JAZF1: variants seen among roughly 807,000 people sequenced by gnomAD.
The protein encoded by JAZF1 is JAZF zinc finger 1.
In JAZF1, 8 loss-of-function variants were observed where a neutral mutation model predicts 26.4. The observed-to-expected ratio is 0.30, with a 90% CI of 0.18 to 0.55. JAZF1 has a LOEUF of 0.55. Ranked by LOEUF, JAZF1 falls within the 20% of genes least tolerant of loss-of-function variation. The pLI, the probability that JAZF1 is intolerant of heterozygous loss-of-function variation, is 0.94. For missense variants in JAZF1, 199 were observed against 322.0 expected, an observed-to-expected ratio of 0.62 and a Z score of 2.92; for synonymous variants, 126 against 122.3, an observed-to-expected ratio of 1.03 and a Z score of -0.20.
At chr7:28,018,954 A>G (rs1035655822) in intron 1 of JAZF1, among the ~76,000 whole-genome samples, 1 of 152,228 alleles carries the variant, frequency 6.6e-6, no homozygotes, top group African/African-American at 2.4e-5. Context: ...CTGTCTGTGC[A>G]GAGATCCTGA....
intron 1 of JAZF1, among the ~76,000 whole-genome samples, chr7:28,169,713 C>A (rs1158723673): frequency 6.6e-6 from 1 of 152,168 alleles, no homozygotes. Flanking sequence ...CTGAGGAAGC[C>A]TGGGCATAAT....
intron 2 of JAZF1, among the ~76,000 whole-genome samples, chr7:27,898,735 C>T (rs965498685): frequency 6.6e-6 from 1 of 152,168 alleles, no homozygotes; most frequent in Non-Finnish European, 1.5e-5. Context: ...GGGGTTATAT[C>T]TTCTATAGTG....
intron 2 of JAZF1, among the ~76,000 whole-genome samples, chr7:27,928,705 C>A (rs961260187): frequency 6.6e-6 from 1 of 152,190 alleles, no homozygotes. Context: ...CCAAATACTG[C>A]GTGTTCTCAC....
intron 1 of JAZF1, among the ~76,000 whole-genome samples, chr7:28,004,551 C>T (rs1025495687): frequency 6.6e-6 from 1 of 152,206 alleles, no homozygotes; most frequent in African/African-American, 2.4e-5. Context: ...CACCAATTTG[C>T]ATCTCTCCCA....
At chr7:28,116,107 G>A (rs950374059) in intron 1 of JAZF1, among the ~76,000 whole-genome samples, 1 of 152,170 alleles carries the variant, frequency 6.6e-6, no homozygotes, top group Admixed American at 6.5e-5. Context: ...GGTCTAATGA[G>A]ACACCTACTC....
intron 1 of JAZF1, among the ~76,000 whole-genome samples, chr7:28,054,349 A>G (rs1402211201): frequency 6.6e-6 from 1 of 152,216 alleles, no homozygotes; most frequent in South Asian, 2.1e-4. Flanking sequence ...GTTGTCCTTT[A>G]TAACAACTGA....
chr7:27,951,904 G>A lies in JAZF1; in HGVS notation c.188+40005C>T, dbSNP rs73299494. Among the ~76,000 whole-genome samples the A allele has an allele frequency of 4.7e-3, 716 of 152,284 alleles. 4 individuals carry two copies. The highest frequency in any genetic ancestry group is 0.016 in the African/African-American group (681 of 41,558). ...CTTCCTCAGATTGAATTACTGAGCT[G>A]AGCCACAGGTTCTGTCTCCTTTCAT... On this transcript the variant is annotated intron_variant, in intron 2 of 4. Transcript: ENST00000283928.
chr7:28,085,244 CA>C (rs1784196383), intron 1 of JAZF1, among the ~76,000 whole-genome samples: 1 of 152,142 alleles, frequency 6.6e-6, no homozygotes, highest in African/African-American at 2.4e-5. Context: ...ATGTGGCTAA[CA>C]GGCATAAAAT....
At chr7:27,965,424 A>G (rs1201427608) in intron 2 of JAZF1, among the ~76,000 whole-genome samples, 2 of 152,212 alleles carry the variant, frequency 1.3e-5, no homozygotes, top group African/African-American at 4.8e-5. Context: ...ATTAACACAC[A>G]TAAATGTCTT....
chr7:27,890,835 G>A (rs189526292), intron 3 of JAZF1, among the ~76,000 whole-genome samples: 98 of 143,314 alleles, frequency 6.8e-4, no homozygotes, highest in African/African-American at 2.5e-3. Context: ...TGTCACCCAG[G>A]CTGTAGTGCA....
intron 2 of JAZF1, among the ~76,000 whole-genome samples, chr7:27,912,509 C>A (rs983668392): frequency 1.3e-5 from 2 of 152,024 alleles, no homozygotes; most frequent in African/African-American, 4.8e-5. Flanking sequence ...CTCTCACTGA[C>A]TTCAGAAGAA....
At chr7:28,116,820 TTTTC>T (rs1261478625) in intron 1 of JAZF1, among the ~76,000 whole-genome samples, 2 of 151,562 alleles carry the variant, frequency 1.3e-5, no homozygotes, top group Non-Finnish European at 1.5e-5. Context: ...TTCCAAGTCA[TTTTC>T]TTTTTCTTTT....
intron 2 of JAZF1, among the ~76,000 whole-genome samples, chr7:27,939,379 G>A (rs922044411): frequency 2.0e-5 from 3 of 152,210 alleles, no homozygotes; most frequent in African/African-American, 7.2e-5. Context: ...TGTGGCAGGG[G>A]AGGCAACAGG....
chr7:27,933,493 G>A (rs1784717508), intron 2 of JAZF1, among the ~76,000 whole-genome samples: 1 of 152,166 alleles, frequency 6.6e-6, no homozygotes, highest in Non-Finnish European at 1.5e-5. Flanking sequence ...ATATTACTAT[G>A]TTTTGTGTTT....
Position 27,930,260 on chromosome 7 carries a change from A to G in JAZF1, c.189-34844T>C, listed in dbSNP as rs140122929. Among the ~76,000 whole-genome samples, 89 of 152,206 alleles carry G rather than the reference A, an allele frequency of 5.8e-4. 1 individual carries two copies. The East Asian group carries it at 0.014, about 25-fold the overall frequency. The stretch of plus-strand genomic sequence containing the variant: ...TCCGCCCGCCTTGGCCTCCCAAAGT[A>G]CTGGGATTACAGGCATGAGCCACCG... On this transcript the variant is annotated intron_variant, in intron 2 of 4. Transcript: ENST00000283928.
intron 1 of JAZF1, among the ~76,000 whole-genome samples, chr7:28,012,271 C>G (rs1402552477): frequency 3.3e-5 from 5 of 152,174 alleles, no homozygotes; most frequent in Admixed American, 3.3e-4. Flanking sequence ...AAATTTTGAT[C>G]TGTCATTGAA....
intron 2 of JAZF1, among the ~76,000 whole-genome samples, chr7:27,963,466 C>T (rs1785217401): frequency 6.6e-6 from 1 of 152,036 alleles, no homozygotes; most frequent in Admixed American, 6.6e-5. Context: ...TTGGGGGTAG[C>T]TGTCAATCCT....
chr7:28,060,835 A>G (rs1326299563), intron 1 of JAZF1, among the ~76,000 whole-genome samples: 2 of 152,298 alleles, frequency 1.3e-5, no homozygotes, highest in African/African-American at 4.8e-5. Context: ...GTTCAGGGTG[A>G]AAGTCCAGAG....
chr7:27,979,805 T>C (rs1252719745), intron 2 of JAZF1, among the ~76,000 whole-genome samples: 1 of 152,146 alleles, frequency 6.6e-6, no homozygotes, highest in African/African-American at 2.4e-5. Context: ...CTTTCTTTCC[T>C]ATCGATTGGA....
Sources: gnomAD v4.1 joint callset for allele counts (sites outside exome capture counted in the v4.1 genomes callset) on GRCh38, gnomAD v4.1.1 for gene constraint, MANE v1.5 for transcripts, NCBI Gene and HGNC (gene_info 2026-07-23, HGNC 2026-07-21) for gene names.